Variants in COL5A1 observed in about 807,000 individuals in gnomAD.
COL5A1 encodes the protein collagen alpha-1(V) chain.
Under a neutral mutation model 263.7 loss-of-function variants are expected in COL5A1, and 16 were observed. The observed-to-expected ratio is 0.06, with a 90% CI of 0.04 to 0.09. The LOEUF (loss-of-function observed/expected upper bound fraction) is 0.09, where lower values mean the gene tolerates loss of function less well. Ranked by LOEUF, COL5A1 falls within the 10% of genes least tolerant of loss-of-function variation. The pLI, the probability that COL5A1 is intolerant of heterozygous loss-of-function variation, is 1.00. For synonymous variants in COL5A1, 1,012 were observed against 1,004.5 expected (o/e 1.01, Z -0.14); for missense variants, 2,036 against 2,540.5 (o/e 0.80, Z 4.27).
At chr9:134,671,172 C>T (rs1010273336) in intron 1 of COL5A1, among the ~76,000 whole-genome samples, 5 of 152,228 alleles carry the variant, frequency 3.3e-5, no homozygotes, top group African/African-American at 7.2e-5. Flanking sequence ...GGAGGGCAGA[C>T]GGAGCTGTTC....
chr9:134,730,247 G>T lies in COL5A1; in HGVS notation c.936G>T (p.Pro312=). 1 of 1,613,816 alleles carries T rather than the reference G, an allele frequency of 6.2e-7. No homozygotes were observed. Among genetic ancestry groups the T allele is most frequent in the South Asian group, 1.1e-5 (1 of 91,084 alleles). ...ETTEVPEELT[P]TPTEAAPMPE... The stretch of plus-strand genomic sequence containing the variant: ...TCCTTGGCTCCCAGGAGCTGACCCC[G>T]ACCCCCACGGAAGCTGCTCCCATGC... Residue 312 remains proline (P), a synonymous_variant, in exon 7 of 66, where the codon CCG becomes CCT. Coordinates refer to ENST00000371817, the MANE Select transcript of COL5A1 (RefSeq NM_000093.5).
intron 1 of COL5A1, among the ~76,000 whole-genome samples, chr9:134,659,586 G>A (rs1160334647): frequency 6.6e-6 from 1 of 152,154 alleles, no homozygotes; most frequent in African/African-American, 2.4e-5. Context: ...AGTAGGCACT[G>A]AGAGAGAGGA....
intron 29 of COL5A1, 148 bp from the exon 30 acceptor site, chr9:134,784,841 C>A: frequency 1.5e-6 from 1 of 673,894 alleles, no homozygotes; most frequent in Non-Finnish European, 2.7e-6. Context: ...GGAGCAGCTC[C>A]GTGGTCTGAG....
chr9:134,720,815 G>A (rs1367880946), intron 4 of COL5A1, among the ~76,000 whole-genome samples: 2 of 152,152 alleles, frequency 1.3e-5, no homozygotes, highest in Admixed American at 6.5e-5. Context: ...GAGAGGAGCC[G>A]ACTCTGAGTG....
At chr9:134,830,209 A>G (rs1276323528) in intron 64 of COL5A1, 165 bp downstream of exon 64, 1 of 1,589,630 alleles carries the variant, frequency 6.3e-7, no homozygotes, top group South Asian at 1.1e-5. Flanking sequence ...CCACCTCGGC[A>G]CTGCCTGCTT....
intron 25 of COL5A1, among the ~76,000 whole-genome samples, chr9:134,768,757 A>T (rs1836770327): frequency 6.6e-6 from 1 of 152,212 alleles, no homozygotes; most frequent in Non-Finnish European, 1.5e-5. Flanking sequence ...CTGAGCCGTG[A>T]GGAGGGCTGG....
Position 134,765,752 on chromosome 9 carries a change from C to A in COL5A1, c.2088+18C>A, listed in dbSNP as rs889625058. Reference sequence around the variant, plus strand: ...GACCTCCCGTAAGTCCCATTACCGCCCTGCTTGTCTGCCCCCATCTCGGCC... The same window carrying A: ...GACCTCCCGTAAGTCCCATTACCGCACTGCTTGTCTGCCCCCATCTCGGCC... On this transcript the variant is annotated intron_variant, in intron 21 of 65. Coordinates refer to ENST00000371817, the MANE Select transcript of COL5A1 (RefSeq NM_000093.5). The surrounding 1 kb of genome is among the most constrained non-coding windows in gnomAD (Gnocchi z 5.1). The A allele has an allele frequency of 1.2e-6, 2 of 1,609,948 alleles. No homozygotes were observed. The highest frequency in any genetic ancestry group is 1.7e-6 in the Non-Finnish European group (2 of 1,177,376).
chr9:134,674,503 GTA>G (rs1832634207), intron 1 of COL5A1, among the ~76,000 whole-genome samples: 1 of 150,422 alleles, frequency 6.6e-6, no homozygotes, highest in African/African-American at 2.4e-5. Context: ...GACATGTTGT[GTA>G]TCTTGATAGT....
At position 134,750,482 on chromosome 9, in the gene COL5A1, T is replaced by G. The variant is rs1386379113; in HGVS notation, c.1495-60T>G. On this transcript the variant is annotated intron_variant, in intron 11 of 65. Coordinates refer to ENST00000371817, the MANE Select transcript of COL5A1 (RefSeq NM_000093.5). Reference sequence around the variant, plus strand: ...GCTTCTCCGACGCCCTCATTCTCGCTGCAGCCCAGCCCTGGCCTGGTTGCA... The same window carrying G: ...GCTTCTCCGACGCCCTCATTCTCGCGGCAGCCCAGCCCTGGCCTGGTTGCA... 4 of 1,512,750 alleles carry G rather than the reference T, an allele frequency of 2.6e-6. No homozygotes were observed. In the East Asian group the frequency reaches 9.0e-5, roughly 34 times the overall value. The allele number at this position is 1,512,750 out of a possible 1,614,324, so 93.7% of individuals were successfully genotyped here. A position where few individuals can be genotyped will look rare whatever the true frequency, so the allele number is the denominator to read the frequency against.
Position 134,824,610 on chromosome 9 carries a change from G to A in COL5A1, c.4709G>A (p.Gly1570Glu). The A allele has an allele frequency of 1.9e-6, 3 of 1,614,094 alleles. No individual in the cohort carries two copies. The highest frequency in any genetic ancestry group is 2.5e-6 in the Non-Finnish European group (3 of 1,180,018). The part of the protein sequence containing the change: ...PGPPGPPGPP[G>E]EVIQPLPIQA... ...TGTTCTGTCCCCCAGGGCCCCCCGG[G>A]AGAGGTCATCCAGCCCCTGCCAATC... The change falls in exon 62 of 66, where the codon GGA becomes GAA. Residue 1570 changes from glycine (G) to glutamate (E), a missense_variant. Physicochemically the swap from Gly to Glu is moderately conservative, Grantham distance 98. This residue lies in a region of COL5A1 where 358 missense variants were observed against 384.6 expected (regional missense o/e 0.93). Transcript: ENST00000371817.
chr9:134,791,205 G>C (rs1476990169), intron 32 of COL5A1, among the ~76,000 whole-genome samples: 1 of 152,228 alleles, frequency 6.6e-6, no homozygotes, highest in African/African-American at 2.4e-5. Flanking sequence ...CAGCCTCTGG[G>C]TGTCTGGCCC....
intron 36 of COL5A1, 82 bp downstream of exon 36, chr9:134,796,983 C>T: frequency 7.5e-7 from 1 of 1,336,606 alleles, no homozygotes; most frequent in Non-Finnish European, 1.1e-6. Context: ...CGCCTGTTTT[C>T]TCTGAGGTCT....
At chr9:134,831,783 T>C (rs1839639684) in intron 64 of COL5A1, among the ~76,000 whole-genome samples, 1 of 152,164 alleles carries the variant, frequency 6.6e-6, no homozygotes, top group African/African-American at 2.4e-5. Context: ...TGAAACCTCA[T>C]TTGCAGCCTT....
Position 134,769,030 on chromosome 9 carries a change from C to T in COL5A1, c.2286+567C>T, listed in dbSNP as rs116267362. Among the ~76,000 whole-genome samples, 645 of 152,260 alleles carry T rather than the reference C, an allele frequency of 4.2e-3. 4 individuals are homozygous for T. Among genetic ancestry groups the T allele is most frequent in the Middle Eastern group, 0.017 (5 of 294 alleles). On this transcript the variant is annotated intron_variant, in intron 25 of 65. Coordinates refer to ENST00000371817, the MANE Select transcript of COL5A1 (RefSeq NM_000093.5). ...CTCAGAATGCGTGCGTGCGTGCACA[C>T]GTGCGTGTACATGAGTGTGAGCTGA...
chr9:134,668,428 G>A (rs1244059329), intron 1 of COL5A1, among the ~76,000 whole-genome samples: 1 of 152,114 alleles, frequency 6.6e-6, no homozygotes, highest in Non-Finnish European at 1.5e-5. Context: ...GTCTTTGCGT[G>A]AGGCATTTAG....
At position 134,824,699 on chromosome 9, in the gene COL5A1, A is replaced by G; in HGVS notation, c.4798A>G (p.Asn1600Asp). Residue 1600 changes from asparagine (N) to aspartate (D), a missense_variant, in exon 62 of 66, where the codon AAC (asparagine) becomes GAC (aspartate). Physicochemically the swap from Asn to Asp is conservative, Grantham distance 23. Transcript: ENST00000371817. ...GCTGCTGGACGACGGGAATGGCGAG[A>G]ACTACGTGGACTACGCGGACGGCAT... ...SQLLDDGNGE[N>D]YVDYADGMEE... 3 of 1,614,188 alleles carry G rather than the reference A, an allele frequency of 1.9e-6. No homozygotes were observed.
At chr9:134,654,531 G>A (rs570410622) in intron 1 of COL5A1, among the ~76,000 whole-genome samples, 1 of 127,942 alleles carries the variant, frequency 7.8e-6, no homozygotes, top group East Asian at 2.6e-4. Context: ...GCAGGGCTGG[G>A]TGTGTGTAGG....
intron 36 of COL5A1, among the ~76,000 whole-genome samples, chr9:134,797,608 G>C (rs1397711035): frequency 1.3e-5 from 2 of 152,108 alleles, no homozygotes; most frequent in African/African-American, 4.8e-5. Context: ...TCAGCCTCCC[G>C]AGTAGCTGGG....
Position 134,782,916 on chromosome 9 carries a change from T to C in COL5A1, c.2484+196T>C, listed in dbSNP as rs35361637. ...CTCTCCAGCTCCTCTTCACCTCCTC[T>C]TCCTCAGTTTGCCCCTTGGGGACTG... On this transcript the variant is annotated intron_variant, in intron 29 of 65. Coordinates refer to ENST00000371817, the MANE Select transcript of COL5A1 (RefSeq NM_000093.5). Among the ~76,000 whole-genome samples, 24,678 of 152,220 alleles carry C rather than the reference T, an allele frequency of 0.16. 2,344 individuals are homozygous for C. Among genetic ancestry groups the C allele is most frequent in the African/African-American group, 0.26 (10,662 of 41,508 alleles).
Sources: gnomAD v4.1 joint callset for allele counts (sites outside exome capture counted in the v4.1 genomes callset) on GRCh38, gnomAD v4.1.1 for gene constraint, gnomAD v4.1.1 regional missense constraint, Gnocchi (gnomAD v3.1) non-coding constraint, MANE v1.5 for transcripts, NCBI Gene and HGNC (gene_info 2026-07-23, HGNC 2026-07-21) for gene names.